The following TACC2 variants were observed in gnomAD, a reference collection of about 807,000 sequenced individuals.
TACC2 encodes transforming acidic coiled-coil-containing protein 2.
In TACC2, 137 loss-of-function variants were observed where a neutral mutation model predicts 227.3. That is an observed-to-expected ratio of 0.60 (90% CI 0.52 to 0.69). The LOEUF is 0.69. TACC2 is among the 30% of genes least tolerant of loss of function. The pLI is 0.00. For missense variants in TACC2, 3,470 were observed against 3,694.4 expected (o/e 0.94, Z 1.57); for synonymous variants, 1,523 against 1,487.5 (o/e 1.02, Z -0.55).
At chr10:122,220,760 A>G (rs559922434) in intron 11 of TACC2, among the ~76,000 whole-genome samples, 1 of 152,368 alleles carries the variant, frequency 6.6e-6, no homozygotes, top group South Asian at 2.1e-4. Flanking sequence ...AGGGCCTGTC[A>G]TTGGGTGAGG....
intron 7 of TACC2, among the ~76,000 whole-genome samples, chr10:122,154,740 C>T (rs1294609088): frequency 2.0e-5 from 3 of 152,190 alleles, no homozygotes; most frequent in Admixed American, 6.5e-5. Context: ...CAGGGCCTCT[C>T]GGCTGGTTAT....
chr10:122,042,318 C>T lies in TACC2; in HGVS notation c.34-8120C>T, dbSNP rs1410957997. On this transcript the variant is annotated intron_variant, in intron 2 of 22. Coordinates refer to ENST00000369005, the MANE Select transcript of TACC2 (RefSeq NM_206862.4). ...AGTTCAGTGGCACAGTCTCAGCTCA[C>T]TGCAACCTCTGCCTCCCGGGGTCAA... 2.0e-5 allele frequency among the ~76,000 whole-genome samples: 3 copies of T among 152,186 alleles called. No individual in the cohort carries two copies. In the East Asian group the frequency reaches 5.8e-4, roughly 29 times the overall value.
intron 5 of TACC2, among the ~76,000 whole-genome samples, chr10:122,124,822 C>T (rs191213756): frequency 7.9e-5 from 12 of 152,322 alleles, no homozygotes; most frequent in South Asian, 2.1e-4. Context: ...TGTGCTGTGA[C>T]GTTCATCCTC....
chr10:122,150,530 A>G lies in TACC2; in HGVS notation c.5834+6824A>G, dbSNP rs1463958948. On this transcript the variant is annotated intron_variant, in intron 7 of 22. Transcript: ENST00000369005. The surrounding 1 kb of genome is among the most constrained non-coding windows in gnomAD (Gnocchi z 4.0). ...CTTCCAAGCCAAATGCGTGCTCTCCAGCCCTCAGACCCAGTGGAGGTGCAG... is the reference window on the plus strand; with the variant it reads ...CTTCCAAGCCAAATGCGTGCTCTCCGGCCCTCAGACCCAGTGGAGGTGCAG... 6.6e-6 allele frequency among the ~76,000 whole-genome samples: 1 copy of G among 152,284 alleles called. No homozygotes were observed. Among genetic ancestry groups the G allele is most frequent in the Middle Eastern group, 3.4e-3 (1 of 294 alleles).
chr10:122,154,869 G>A (rs938239056), intron 7 of TACC2, among the ~76,000 whole-genome samples: 1 of 152,154 alleles, frequency 6.6e-6, no homozygotes, highest in Non-Finnish European at 1.5e-5. Context: ...AGATGCTCAC[G>A]GATGCTATTT....
intron 7 of TACC2, chr10:122,192,354 G>C (rs1322322): frequency 0.63 from 154,459 of 244,918 alleles, 50,907 homozygotes; most frequent in East Asian, 0.85. Flanking sequence ...TGGAATTCAG[G>C]GGCTAGAACC....
intron 5 of TACC2, among the ~76,000 whole-genome samples, chr10:122,101,899 A>G (rs1313547483): frequency 3.3e-5 from 5 of 151,756 alleles, no homozygotes; most frequent in Admixed American, 1.3e-4. Context: ...AAAAAAAAGA[A>G]AAAAGAAAAA....
intron 7 of TACC2, among the ~76,000 whole-genome samples, chr10:122,181,599 A>T (rs1368991105): frequency 6.6e-6 from 1 of 152,214 alleles, no homozygotes; most frequent in African/African-American, 2.4e-5. Context: ...CTCACCTCTC[A>T]TGAATTTGGA....
At chr10:122,128,776 A>G (rs1439852726) in intron 5 of TACC2, among the ~76,000 whole-genome samples, 2 of 152,238 alleles carry the variant, frequency 1.3e-5, no homozygotes, top group African/African-American at 4.8e-5. Context: ...TTTCATTAAG[A>G]AAAAACACAA....
At chr10:122,242,740 T>G (rs542776518) in intron 19 of TACC2, among the ~76,000 whole-genome samples, 4 of 152,318 alleles carry the variant, frequency 2.6e-5, no homozygotes, top group African/African-American at 9.6e-5. Flanking sequence ...AATCATATTA[T>G]AACTGGGTCT....
In TACC2 at chr10:122,211,235, T is replaced by A; in HGVS notation, c.6810T>A (p.Ser2270=). Residue 2270 remains serine, a synonymous_variant, in exon 9 of 23, where the codon TCT becomes TCA. Transcript: ENST00000369005. Reference sequence around the variant, plus strand: ...CCGTAAGGCTGGAGTTTGACTATTCTGAGGACAAGAGTAGTTGGGACAACC... The same window carrying A: ...CCGTAAGGCTGGAGTTTGACTATTCAGAGGACAAGAGTAGTTGGGACAACC... ...GLSVRLEFDY[S]EDKSSWDNQQ... 11 of 1,614,072 alleles carry A rather than the reference T, an allele frequency of 6.8e-6. No individual in the cohort carries two copies. The highest frequency in any genetic ancestry group is 9.3e-6 in the Non-Finnish European group (11 of 1,180,022).
intron 7 of TACC2, among the ~76,000 whole-genome samples, chr10:122,146,074 A>G (rs10749449): frequency 0.92 from 139,550 of 152,232 alleles, 64,727 homozygotes; most frequent in Non-Finnish European, 0.99. Flanking sequence ...TGGAGCAATG[A>G]GTTACTAGGG....
intron 7 of TACC2, among the ~76,000 whole-genome samples, chr10:122,145,552 G>A (rs1486014828): frequency 6.6e-6 from 1 of 152,110 alleles, no homozygotes; most frequent in Non-Finnish European, 1.5e-5. Flanking sequence ...AGATCTTTGT[G>A]GGGGGTGATG....
rs1482282700 is a variant in TACC2 at position 122,083,583 on chromosome 10, C to A, written c.1083C>A (p.Gly361=). ...PSPALVPEAG[G]SGKEALDTID... Reference sequence around the variant, plus strand: ...CTGCCCTGGTGCCAGAGGCTGGGGGCTCTGGGAAGGAGGCTCTGGACACCA... The same window carrying A: ...CTGCCCTGGTGCCAGAGGCTGGGGGATCTGGGAAGGAGGCTCTGGACACCA... The change falls in exon 4 of 23, where the codon GGC becomes GGA. Residue 361 remains glycine (G), a synonymous_variant. Coordinates refer to ENST00000369005, the MANE Select transcript of TACC2 (RefSeq NM_206862.4). The A allele has an allele frequency of 2.5e-6, 4 of 1,612,778 alleles. No homozygotes were observed. The highest frequency in any genetic ancestry group is 2.2e-5 in the East Asian group (1 of 44,864).
intron 5 of TACC2, among the ~76,000 whole-genome samples, chr10:122,126,217 AG>A (rs1188540922): frequency 5.9e-5 from 9 of 151,982 alleles, no homozygotes; most frequent in Non-Finnish European, 1.2e-4. Context: ...TTGTACTGTA[AG>A]GGGGGGCTTT....
chr10:122,049,417 C>T (rs956738711), intron 2 of TACC2, among the ~76,000 whole-genome samples: 23 of 152,184 alleles, frequency 1.5e-4, no homozygotes, highest in African/African-American at 5.1e-4. Flanking sequence ...CAGGGAATCC[C>T]GTAGAAGGTC....
chr10:122,211,038 C>G lies in TACC2; in HGVS notation c.6613C>G (p.Leu2205Val), dbSNP rs775097315. ...TGTGGGGCCCAAAGCTGCCTGCCCT[C>G]TGGACTCAGAGAGTGCAGAAGGGGT... The part of the protein sequence containing the change: ...PAVGPKAACP[L>V]DSESAEGVVP... The change falls in exon 9 of 23, where the codon CTG becomes GTG. Residue 2205 changes from leucine (L) to valine (V), a missense_variant. Physicochemically the swap from Leu to Val is conservative, Grantham distance 32. Coordinates refer to ENST00000369005, the MANE Select transcript of TACC2 (RefSeq NM_206862.4). 6.2e-7 allele frequency: 1 copy of G among 1,612,674 alleles called. No individual in the cohort carries two copies. The highest frequency in any genetic ancestry group is 8.5e-7 in the Non-Finnish European group (1 of 1,179,370).
chr10:122,006,177 G>A (rs10047276), intron 1 of TACC2, among the ~76,000 whole-genome samples: 22,775 of 151,952 alleles, frequency 0.15, 2,108 homozygotes, highest in Admixed American at 0.23. Context: ...GGCCAGGCAC[G>A]GTGGCTCAAG....
chr10:122,082,567 TG>T, intron 3 of TACC2, 79 bp from the exon 4 acceptor site: 1 of 1,473,006 alleles, frequency 6.8e-7, no homozygotes. Context: ...TTTGTGGGGG[TG>T]GGTTGGGGGG....
Sources: allele counts gnomAD v4.1 joint callset (sites outside exome capture counted in the v4.1 genomes callset), GRCh38; gene constraint gnomAD v4.1.1; non-coding constraint Gnocchi (gnomAD v3.1); transcripts MANE v1.5; gene names NCBI Gene and HGNC (gene_info 2026-07-23, HGNC 2026-07-21).